The following CHRM3 variants were observed in gnomAD, a reference collection of about 807,000 sequenced individuals.
CHRM3 encodes the protein cholinergic receptor muscarinic 3, also known as muscarinic acetylcholine receptor M3.
CHRM3 carries 11 observed loss-of-function variants against 41.8 expected under a neutral mutation model. That is an observed-to-expected ratio of 0.26 (90% CI 0.17 to 0.44). The LOEUF (loss-of-function observed/expected upper bound fraction) is 0.44. CHRM3 is among the 20% of genes least tolerant of loss of function. The probability of loss-of-function intolerance (pLI) is 1.00; values close to 1 mark genes in which losing one functional copy is unlikely to be tolerated. For synonymous variants in CHRM3, 297 were observed against 301.4 expected (o/e 0.99, Z 0.15); for missense variants, 571 against 745.4 (o/e 0.77, Z 2.72).
At chr1:239,563,972 C>T (rs1259069037) in intron 3 of CHRM3, among the ~76,000 whole-genome samples, 4 of 152,116 alleles carry the variant, frequency 2.6e-5, no homozygotes, top group Non-Finnish European at 5.9e-5. Flanking sequence ...TTTCCTGTAA[C>T]AGATTTCTGT....
At chr1:239,729,586 A>C (rs1226512855) in intron 5 of CHRM3, among the ~76,000 whole-genome samples, 2 of 151,970 alleles carry the variant, frequency 1.3e-5, no homozygotes, top group Non-Finnish European at 2.9e-5. Context: ...AATTGTGCCC[A>C]CCACAATGAG....
At chr1:239,638,530 T>C (rs1160354778) in intron 4 of CHRM3, among the ~76,000 whole-genome samples, 1 of 152,244 alleles carries the variant, frequency 6.6e-6, no homozygotes, top group African/African-American at 2.4e-5. Flanking sequence ...TGAGCATTTT[T>C]TCATGTGTTT....
At chr1:239,404,372 GAAAGAA>G (rs1660286928) in intron 1 of CHRM3, among the ~76,000 whole-genome samples, 1 of 56,720 alleles carries the variant, frequency 1.8e-5, no homozygotes, top group Non-Finnish European at 3.3e-5. Context: ...AAGAAAGAAA[GAAAGAA>G]AGAAAGAAAG....
intron 6 of CHRM3, among the ~76,000 whole-genome samples, chr1:239,840,015 A>T (rs1214393134): frequency 6.6e-6 from 1 of 152,146 alleles, no homozygotes; most frequent in Non-Finnish European, 1.5e-5. Flanking sequence ...ATTATTTTTC[A>T]TTTAAATGAT....
chr1:239,675,921 T>C (rs1657958066), intron 4 of CHRM3, among the ~76,000 whole-genome samples: 1 of 152,128 alleles, frequency 6.6e-6, no homozygotes, highest in South Asian at 2.1e-4. Context: ...TCAGCAACTG[T>C]ATTTCACAAC....
chr1:239,807,859 C>T (rs917826731), intron 5 of CHRM3, among the ~76,000 whole-genome samples: 2 of 151,964 alleles, frequency 1.3e-5, no homozygotes, highest in Non-Finnish European at 2.9e-5. Flanking sequence ...CACACACACA[C>T]GCACACATAT....
chr1:239,453,895 G>A (rs1318398046), intron 1 of CHRM3, among the ~76,000 whole-genome samples: 1 of 152,132 alleles, frequency 6.6e-6, no homozygotes, highest in Non-Finnish European at 1.5e-5. Context: ...AGGGAGAGGG[G>A]AAGCAATGAA....
At chr1:239,786,059 T>A (rs1190233293) in intron 5 of CHRM3, among the ~76,000 whole-genome samples, 1 of 152,202 alleles carries the variant, frequency 6.6e-6, no homozygotes, top group Non-Finnish European at 1.5e-5. Context: ...TTTGTTTGAG[T>A]ATAGTATACT....
At chr1:239,576,162 G>A (rs1051482512) in intron 3 of CHRM3, among the ~76,000 whole-genome samples, 24 of 152,144 alleles carry the variant, frequency 1.6e-4, no homozygotes, top group African/African-American at 5.5e-4. Flanking sequence ...TCGTTTTTAA[G>A]GTTGAATAAC....
At chr1:239,899,128 G>A (rs1679262435) in intron 6 of CHRM3, among the ~76,000 whole-genome samples, 2 of 152,072 alleles carry the variant, frequency 1.3e-5, no homozygotes, top group African/African-American at 4.8e-5. Context: ...TTTTATACGT[G>A]TGTGTATGTC....
chr1:239,859,290 T>C (rs942845993), intron 6 of CHRM3, among the ~76,000 whole-genome samples: 1 of 152,208 alleles, frequency 6.6e-6, no homozygotes, highest in African/African-American at 2.4e-5. Flanking sequence ...TGGTTTTTAT[T>C]TTGGCCAACC....
At chr1:239,495,075 A>T (rs1012458067) in intron 2 of CHRM3, among the ~76,000 whole-genome samples, 4 of 152,164 alleles carry the variant, frequency 2.6e-5, no homozygotes, top group Non-Finnish European at 5.9e-5. Flanking sequence ...CTGTACTAAG[A>T]CAGTCCCTTC....
chr1:239,682,023 G>T (rs561838239), intron 5 of CHRM3, among the ~76,000 whole-genome samples: 3 of 152,268 alleles, frequency 2.0e-5, no homozygotes, highest in Non-Finnish European at 2.9e-5. Flanking sequence ...TAATATGCCC[G>T]TGCAGGGCTG....
rs531556599 is a variant in CHRM3, at chr1:239,403,976, GGAGAGA to G, written c.-521+16782_-521+16787del. On this transcript the variant is annotated intron_variant, in intron 1 of 6. Transcript: ENST00000676153. ...GGGAGGGAGGGAGGGAGAGGGAGGG[GGAGAGA>G]GAGAGAGAGAGAGAGAGAGAGAGAG... 2.4e-3 allele frequency among the ~76,000 whole-genome samples: 112 copies of G among 46,486 alleles called. 1 individual carries two copies. Among genetic ancestry groups the G allele is most frequent in the South Asian group, 5.7e-3 (3 of 528 alleles). 30.5% of individuals were successfully genotyped at this position (46,486 alleles called of 152,430 possible). A position where few individuals can be genotyped will look rare whatever the true frequency, so the allele number is the denominator to read the frequency against.
chr1:239,571,809 A>G (rs773432693), intron 3 of CHRM3, among the ~76,000 whole-genome samples: 1 of 152,086 alleles, frequency 6.6e-6, no homozygotes, highest in Non-Finnish European at 1.5e-5. Context: ...CTTACAAGTA[A>G]TTTTTGTGCT....
chr1:239,800,373 G>T (rs1670114319), intron 5 of CHRM3, among the ~76,000 whole-genome samples: 1 of 152,188 alleles, frequency 6.6e-6, no homozygotes, highest in African/African-American at 2.4e-5. Context: ...TCATCTCTTT[G>T]TTCCTCACAT....
chr1:239,860,150 A>C (rs1675520289), intron 6 of CHRM3, among the ~76,000 whole-genome samples: 1 of 152,136 alleles, frequency 6.6e-6, no homozygotes, highest in South Asian at 2.1e-4. Flanking sequence ...GGAGCTGAAC[A>C]CTAAACTCAA....
intron 4 of CHRM3, among the ~76,000 whole-genome samples, chr1:239,636,876 T>G (rs1478015162): frequency 1.3e-5 from 2 of 152,206 alleles, no homozygotes; most frequent in Non-Finnish European, 2.9e-5. Flanking sequence ...CTTCATCAGC[T>G]GTGTGTGTGG....
chr1:239,873,900 T>G (rs1391055772), intron 6 of CHRM3, among the ~76,000 whole-genome samples: 3 of 152,166 alleles, frequency 2.0e-5, no homozygotes, highest in African/African-American at 4.8e-5. Flanking sequence ...TCTGCCTACC[T>G]GCTCCTCTCA....
Sources: gnomAD v4.1 joint callset for allele counts (sites outside exome capture counted in the v4.1 genomes callset) on GRCh38, gnomAD v4.1.1 for gene constraint, MANE v1.5 for transcripts, NCBI Gene and HGNC (gene_info 2026-07-23, HGNC 2026-07-21) for gene names.